KAZN: variants seen among roughly 807,000 people sequenced by gnomAD.
The protein encoded by KAZN is kazrin, periplakin interacting protein, also known as kazrin.
A neutral mutation model predicts 87.4 loss-of-function variants in KAZN; 40 were observed. That is an observed-to-expected ratio of 0.46 (90% CI 0.36 to 0.60). The LOEUF (loss-of-function observed/expected upper bound fraction) is 0.60. KAZN is among the 20% of genes least tolerant of loss of function. The pLI, the probability that KAZN is intolerant of heterozygous loss-of-function variation, is 0.00. For synonymous variants in KAZN, 466 were observed against 458.3 expected (o/e 1.02, Z -0.22); for missense variants, 898 against 1,073.9 (o/e 0.84, Z 2.29).
chr1:14,990,969 G>A (rs531996633), intron 2 of KAZN, among the ~76,000 whole-genome samples: 15 of 151,486 alleles, frequency 9.9e-5, no homozygotes, highest in Non-Finnish European at 2.2e-4. Context: ...AGGCAAAGGT[G>A]GGGGTGATGT....
At chr1:14,601,745 A>T (rs1677000872) in intron 1 of KAZN, among the ~76,000 whole-genome samples, 1 of 152,194 alleles carries the variant, frequency 6.6e-6, no homozygotes. Context: ...GTGTTGGTGC[A>T]GTTCAATGGG....
chr1:14,265,735 A>G (rs1651424935), intron 2 of KAZN, among the ~76,000 whole-genome samples: 1 of 152,348 alleles, frequency 6.6e-6, no homozygotes, highest in South Asian at 2.1e-4. Context: ...TAAGTAATTC[A>G]TCAAAGATGA....
intron 1 of KAZN, among the ~76,000 whole-genome samples, chr1:14,064,670 C>T (rs1642936070): frequency 6.6e-6 from 1 of 151,764 alleles, no homozygotes. Flanking sequence ...CGCCTGAGAG[C>T]ACGAGGGTGG....
At chr1:14,460,801 C>T (rs2148348887) in intron 2 of KAZN, among the ~76,000 whole-genome samples, 1 of 152,320 alleles carries the variant, frequency 6.6e-6, no homozygotes, top group East Asian at 1.9e-4. Flanking sequence ...TTTTACAGTT[C>T]ACCAAGAGCA....
At chr1:15,091,689 T>C (rs957874746) in intron 8 of KAZN, among the ~76,000 whole-genome samples, 2 of 152,230 alleles carry the variant, frequency 1.3e-5, no homozygotes, top group African/African-American at 4.8e-5. Flanking sequence ...TGTTTTCCCG[T>C]GACAGGACTT....
At chr1:14,172,767 G>T (rs1354243508) in intron 1 of KAZN, among the ~76,000 whole-genome samples, 1 of 152,228 alleles carries the variant, frequency 6.6e-6, no homozygotes. Context: ...CGGATGGCTG[G>T]ATTTCTTGGC....
Position 14,133,377 on chromosome 1 carries a change from AAAAGAAAGAAAGAAAGAAAGAAAG to A in KAZN, c.92-47018_92-46995del, listed in dbSNP as rs149462642. On this transcript the variant is annotated intron_variant, in intron 1 of 16. Coordinates refer to the KAZN transcript ENST00000636203. The stretch of plus-strand genomic sequence containing the variant: ...TGAGACTCCCTCTCAAAAAAAAAAA[AAAAGAAAGAAAGAAAGAAAGAAAG>A]AAAGAAAGAAAGAAAGAAAGAAAGA... 1.8e-4 allele frequency among the ~76,000 whole-genome samples: 13 copies of A among 72,098 alleles called. 1 individual carries two copies. The highest frequency in any genetic ancestry group is 9.3e-4 in the South Asian group (2 of 2,150). 47.3% of individuals were successfully genotyped at this position (72,098 alleles called of 152,430 possible).
intron 1 of KAZN, among the ~76,000 whole-genome samples, chr1:13,964,805 G>T (rs769520526): frequency 6.6e-6 from 1 of 152,184 alleles, no homozygotes; most frequent in Admixed American, 6.5e-5. Flanking sequence ...AAAGTGAGGG[G>T]TGATAATTGT....
intron 2 of KAZN, among the ~76,000 whole-genome samples, chr1:14,200,793 A>G (rs547667637): frequency 7.9e-5 from 12 of 151,922 alleles, no homozygotes; most frequent in Non-Finnish European, 1.8e-4. Context: ...TCATATTGCA[A>G]TCCTCTCCAC....
At chr1:14,303,670 T>A (rs930829519) in intron 2 of KAZN, among the ~76,000 whole-genome samples, 1 of 152,196 alleles carries the variant, frequency 6.6e-6, no homozygotes, top group Admixed American at 6.5e-5. Context: ...TGAACAAGGC[T>A]CATCTTTGCT....
intron 1 of KAZN, among the ~76,000 whole-genome samples, chr1:13,999,262 C>T (rs1044490512): frequency 7.9e-5 from 12 of 152,074 alleles, no homozygotes; most frequent in African/African-American, 2.7e-4. Flanking sequence ...ACAGTAGAAT[C>T]GCATGAATCC....
At chr1:14,754,383 A>G (rs1644499446) in intron 1 of KAZN, among the ~76,000 whole-genome samples, 1 of 152,226 alleles carries the variant, frequency 6.6e-6, no homozygotes, top group Non-Finnish European at 1.5e-5. Flanking sequence ...CTGTAATCCC[A>G]GCACTTTGGG....
At chr1:13,966,467 T>A (rs898427942) in intron 1 of KAZN, among the ~76,000 whole-genome samples, 8 of 152,172 alleles carry the variant, frequency 5.3e-5, no homozygotes, top group African/African-American at 1.4e-4. Context: ...GTGAAGCAGA[T>A]CTCACTATCC....
At chr1:14,679,718 T>A (rs1319031277) in intron 1 of KAZN, among the ~76,000 whole-genome samples, 1 of 152,160 alleles carries the variant, frequency 6.6e-6, no homozygotes, top group Non-Finnish European at 1.5e-5. Context: ...GCATCCCCAT[T>A]GTTCAGATAG....
chr1:14,664,114 G>T (rs1044651965), intron 1 of KAZN, among the ~76,000 whole-genome samples: 22 of 152,304 alleles, frequency 1.4e-4, no homozygotes, highest in Admixed American at 2.6e-4. Flanking sequence ...GGTAGTTAGA[G>T]TAGTCAGATT....
intron 2 of KAZN, among the ~76,000 whole-genome samples, chr1:14,368,061 G>GC (rs904153264): frequency 1.3e-5 from 2 of 152,154 alleles, no homozygotes; most frequent in African/African-American, 4.8e-5. Flanking sequence ...CGTGGGGTTT[G>GC]CCAACCAGGT....
At chr1:14,349,410 A>G (rs1390798663) in intron 2 of KAZN, 1 of 152,232 alleles carries the variant, frequency 6.6e-6, no homozygotes, top group Non-Finnish European at 1.5e-5. Context: ...TAAGTCACAC[A>G]TATTATTCCA....
chr1:14,197,244 G>A (rs1004087592), intron 2 of KAZN, among the ~76,000 whole-genome samples: 2 of 152,056 alleles, frequency 1.3e-5, no homozygotes, highest in African/African-American at 4.8e-5. Flanking sequence ...AGCATATCAT[G>A]TGTTGTTGAG....
intron 2 of KAZN, among the ~76,000 whole-genome samples, chr1:14,337,272 A>G (rs996146754): frequency 6.6e-6 from 1 of 152,180 alleles, no homozygotes; most frequent in Non-Finnish European, 1.5e-5. Context: ...TTCTCTGTCA[A>G]GAGTAACCCT....
Sources: gnomAD v4.1 joint callset for allele counts (sites outside exome capture counted in the v4.1 genomes callset) on GRCh38, gnomAD v4.1.1 for gene constraint, MANE v1.5 for transcripts, NCBI Gene and HGNC (gene_info 2026-07-23, HGNC 2026-07-21) for gene names.